The following ANKRD11 variants were observed in gnomAD, a reference collection of about 807,000 sequenced individuals.
The protein encoded by ANKRD11 is ankyrin repeat domain 11, also known as ankyrin repeat domain-containing protein 11.
In ANKRD11, 17 loss-of-function variants were observed where a neutral mutation model predicts 195.7. The ratio of observed to expected loss-of-function variants is 0.09; its 90% confidence interval spans 0.06 to 0.13. ANKRD11 has a LOEUF of 0.13. Ranked by LOEUF, ANKRD11 falls within the 10% of genes least tolerant of loss-of-function variation. The pLI is 1.00. For synonymous variants in ANKRD11, 1,953 were observed against 1,528.1 expected (o/e 1.28, Z -6.49); for missense variants, 3,735 against 3,566.1 (o/e 1.05, Z -1.21).
Position 89,280,774 on chromosome 16 carries a change from A to G in ANKRD11, c.5768T>C (p.Ile1923Thr). 4 of 1,611,928 alleles carry G rather than the reference A, an allele frequency of 2.5e-6. No individual in the cohort carries two copies. Among genetic ancestry groups the G allele is most frequent in the Non-Finnish European group, 3.4e-6 (4 of 1,178,640 alleles). ...TSEDQQATAA[I>T]IPPEPSYLEP... ...CAGGTAGCTGGGCTCCGGGGGGATG[A>G]TGGCGGCCGTCGCCTGCTGGTCCTC... Residue 1923 changes from isoleucine (I) to threonine (T), a missense_variant, in exon 9 of 13, where the codon ATC becomes ACC. Transcript: ENST00000301030.
intron 2 of ANKRD11, among the ~76,000 whole-genome samples, chr16:89,371,899 T>C (rs1469727094): frequency 1.3e-5 from 2 of 152,132 alleles, no homozygotes; most frequent in Non-Finnish European, 2.9e-5. Context: ...TCCACTGGCA[T>C]CAAGAGGAAC....
intron 2 of ANKRD11, among the ~76,000 whole-genome samples, chr16:89,378,466 A>T (rs2040511718): frequency 6.6e-6 from 1 of 152,198 alleles, no homozygotes; most frequent in Non-Finnish European, 1.5e-5. Context: ...CATGGCATTG[A>T]AGCCTAACCA....
intron 2 of ANKRD11, among the ~76,000 whole-genome samples, chr16:89,403,070 C>A (rs2041766343): frequency 6.6e-6 from 1 of 152,194 alleles, no homozygotes; most frequent in South Asian, 2.1e-4. Context: ...GGCGGGTGGC[C>A]TGGAACGCTG....
At chr16:89,412,630 A>G (rs2042145723) in intron 2 of ANKRD11, 1 of 152,160 alleles carries the variant, frequency 6.6e-6, no homozygotes, top group African/African-American at 2.4e-5. Context: ...AGTTCACTTC[A>G]ATTTAAATAG....
intron 2 of ANKRD11, among the ~76,000 whole-genome samples, chr16:89,319,380 T>C (rs1178245795): frequency 1.3e-5 from 2 of 152,182 alleles, no homozygotes; most frequent in Admixed American, 6.5e-5. Flanking sequence ...GTGGAGGAAG[T>C]GGGTCGCACC....
chr16:89,340,647 C>G (rs1039466601), intron 2 of ANKRD11, among the ~76,000 whole-genome samples: 8 of 152,252 alleles, frequency 5.3e-5, no homozygotes, highest in African/African-American at 1.7e-4. Context: ...ATCTTTTTTT[C>G]TAACATGATT....
chr16:89,295,547 T>C (rs1453241210), intron 4 of ANKRD11, among the ~76,000 whole-genome samples: 1 of 152,166 alleles, frequency 6.6e-6, no homozygotes, highest in African/African-American at 2.4e-5. Flanking sequence ...TGCCCCTTCC[T>C]GGTGCTGGTG....
At chr16:89,272,998 A>G (rs1410580585) in intron 11 of ANKRD11, 1 of 135,184 alleles carries the variant, frequency 7.4e-6, no homozygotes, top group African/African-American at 2.8e-5. Flanking sequence ...GAGGCTGGGA[A>G]GGGTTGTGGG....
At chr16:89,487,468 A>T (rs968681894) in intron 1 of ANKRD11, among the ~76,000 whole-genome samples, 1 of 152,170 alleles carries the variant, frequency 6.6e-6, no homozygotes, top group Non-Finnish European at 1.5e-5. Context: ...TTCTATGTCA[A>T]ATCTACTTAA....
At chr16:89,350,096 G>C (rs1397319014) in intron 2 of ANKRD11, among the ~76,000 whole-genome samples, 1 of 152,242 alleles carries the variant, frequency 6.6e-6, no homozygotes, top group East Asian at 1.9e-4. Flanking sequence ...CACATGAAAA[G>C]ACAAGCAACA....
Position 89,418,380 on chromosome 16 carries a change from G to A in ANKRD11, c.-144-12C>T, listed in dbSNP as rs1390556061. On this transcript the variant is annotated splice_polypyrimidine_tract_variant and intron_variant, in intron 1 of 12. Coordinates refer to ENST00000301030, the MANE Select transcript of ANKRD11 (RefSeq NM_013275.6). ...GGGCTGTATATATTCTGAAACAAGA[G>A]AGTGAGATTAGCTCATGTCAATAAT... is the stretch of plus-strand genomic sequence containing the variant. The A allele has an allele frequency of 4.6e-6, 2 of 436,506 alleles. No individual in the cohort carries two copies. Among genetic ancestry groups the A allele is most frequent in the Non-Finnish European group, 9.3e-6 (2 of 214,896 alleles). The allele number at this position is 436,506 out of a possible 1,614,324, so 27.0% of individuals were successfully genotyped here.
chr16:89,470,064 C>A (rs1478992313), intron 1 of ANKRD11, among the ~76,000 whole-genome samples: 7 of 151,526 alleles, frequency 4.6e-5, no homozygotes, highest in African/African-American at 1.5e-4. Context: ...CGCCACCACG[C>A]CCGGCTAATT....
chr16:89,458,051 G>C (rs568783776), intron 1 of ANKRD11, among the ~76,000 whole-genome samples: 1 of 151,952 alleles, frequency 6.6e-6, no homozygotes, highest in African/African-American at 2.4e-5. Flanking sequence ...CTGCAACTCT[G>C]TTCTCAGACA....
At chr16:89,330,657 T>TGGGGGGGGGGGGGGGGG (rs71134204) in intron 2 of ANKRD11, among the ~76,000 whole-genome samples, 1 of 5,076 alleles carries the variant, frequency 2.0e-4, no homozygotes, top group African/African-American at 6.0e-4. Context: ...GTACAGTGAC[T>TGGGGGGGGGGGGGGGGG]GGGGGGGGGG....
intron 1 of ANKRD11, among the ~76,000 whole-genome samples, chr16:89,457,105 G>A (rs1319134461): frequency 6.7e-6 from 1 of 148,734 alleles, no homozygotes; most frequent in Non-Finnish European, 1.5e-5. Flanking sequence ...GACTACAGGC[G>A]CCCGCCACTA....
chr16:89,310,551 G>A (rs1218259585), intron 3 of ANKRD11, among the ~76,000 whole-genome samples: 1 of 152,166 alleles, frequency 6.6e-6, no homozygotes, highest in Non-Finnish European at 1.5e-5. Context: ...ATCCAGTTTT[G>A]AGGGTTTCCT....
intron 1 of ANKRD11, among the ~76,000 whole-genome samples, chr16:89,463,397 G>T (rs1567840754): frequency 1.3e-5 from 2 of 152,202 alleles, no homozygotes; most frequent in African/African-American, 2.4e-5. Flanking sequence ...TCTGAAACAT[G>T]TGCTGTGTCC....
intron 2 of ANKRD11, among the ~76,000 whole-genome samples, chr16:89,381,534 A>G (rs1409941494): frequency 6.6e-6 from 1 of 152,204 alleles, no homozygotes; most frequent in Non-Finnish European, 1.5e-5. Flanking sequence ...TCTAGTTTAT[A>G]AAACATGCAC....
chr16:89,333,549 C>A (rs926584788), intron 2 of ANKRD11, among the ~76,000 whole-genome samples: 1 of 152,234 alleles, frequency 6.6e-6, no homozygotes, highest in African/African-American at 2.4e-5. Flanking sequence ...CAGCCCCTGG[C>A]GTCACTGATC....
Sources: allele counts gnomAD v4.1 joint callset (sites outside exome capture counted in the v4.1 genomes callset), GRCh38; gene constraint gnomAD v4.1.1; transcripts MANE v1.5; gene names NCBI Gene and HGNC (gene_info 2026-07-23, HGNC 2026-07-21).